The following VSNL1 variants were observed in gnomAD, a reference collection of about 807,000 sequenced individuals.
VSNL1 encodes visinin-like protein 1.
A neutral mutation model predicts 20.4 loss-of-function variants in VSNL1; 6 were observed. That is an observed-to-expected ratio of 0.29 (90% CI 0.16 to 0.58). The LOEUF (loss-of-function observed/expected upper bound fraction) is 0.58, where lower values mean the gene tolerates loss of function less well. Ranked by LOEUF, VSNL1 falls within the 20% of genes least tolerant of loss-of-function variation. The pLI is 0.90. For synonymous variants in VSNL1, 93 were observed against 86.4 expected (o/e 1.08, Z -0.42); for missense variants, 100 against 234.5 (o/e 0.43, Z 3.75).
chr2:17,578,356 G>A (rs1664266516), intron 1 of VSNL1, among the ~76,000 whole-genome samples: 1 of 152,110 alleles, frequency 6.6e-6, no homozygotes, highest in Non-Finnish European at 1.5e-5. Flanking sequence ...CTTAGACAAA[G>A]GTAAATGTGA....
At chr2:17,582,468 G>A (rs185287524) in intron 1 of VSNL1, among the ~76,000 whole-genome samples, 1 of 152,152 alleles carries the variant, frequency 6.6e-6, no homozygotes, top group African/African-American at 2.4e-5. Flanking sequence ...GGAAGCTATT[G>A]TACTACTCAA....
intron 1 of VSNL1, among the ~76,000 whole-genome samples, chr2:17,588,096 G>C (rs1448612843): frequency 6.6e-6 from 1 of 152,134 alleles, no homozygotes; most frequent in East Asian, 1.9e-4. Flanking sequence ...AAATTCTTTT[G>C]GTTTGGGGAT....
At chr2:17,631,801 C>G (rs559232006) in intron 2 of VSNL1, among the ~76,000 whole-genome samples, 1 of 152,234 alleles carries the variant, frequency 6.6e-6, no homozygotes, top group South Asian at 2.1e-4. Flanking sequence ...TATAAATATA[C>G]ATGCGTGTAT....
chr2:17,541,888 AATG>A (rs1463195621), intron 1 of VSNL1, among the ~76,000 whole-genome samples: 1 of 152,106 alleles, frequency 6.6e-6, no homozygotes, highest in Non-Finnish European at 1.5e-5. Context: ...GCATGGTGGA[AATG>A]ATGAGTGCTC....
At chr2:17,594,161 T>A (rs1664658545) in intron 2 of VSNL1, among the ~76,000 whole-genome samples, 1 of 152,232 alleles carries the variant, frequency 6.6e-6, no homozygotes, top group African/African-American at 2.4e-5. Flanking sequence ...ACATTAAGCA[T>A]GCCTTGGCGT....
chr2:17,606,802 G>C (rs1202970382), intron 2 of VSNL1, among the ~76,000 whole-genome samples: 3 of 152,118 alleles, frequency 2.0e-5, no homozygotes, highest in Non-Finnish European at 4.4e-5. Context: ...ATGCTTTACT[G>C]GTCTACTTTG....
rs1314587543 is a variant in VSNL1 at position 17,561,911 on chromosome 2, CA to C, written c.-6+20999del. Reference sequence around the variant, plus strand: ...CTTAACAATAGCCAAGAAGTTAATCCAAAAAATGACACTCCCTTTACATTGT... The same window carrying C: ...CTTAACAATAGCCAAGAAGTTAATCCAAAAATGACACTCCCTTTACATTGT... On this transcript the variant is annotated intron_variant, in intron 1 of 3. Transcript: ENST00000295156. 3.3e-5 allele frequency among the ~76,000 whole-genome samples: 5 copies of C among 151,996 alleles called. No homozygotes were observed. In the East Asian group the frequency reaches 9.7e-4, roughly 29 times the overall value.
At position 17,649,196 on chromosome 2, in the gene VSNL1, C is replaced by A. The variant is rs1477974386; in HGVS notation, c.163-214C>A. On this transcript the variant is annotated intron_variant, in intron 2 of 3. Coordinates refer to ENST00000295156, the MANE Select transcript of VSNL1 (RefSeq NM_003385.5). The surrounding 1 kb of genome is among the most constrained non-coding windows in gnomAD (Gnocchi z 6.4). ...AGCCACATGTCACCAGCCTCACCCACAGGAAACAATGAGATGCCTGTACCT... is the reference window on the plus strand; with the variant it reads ...AGCCACATGTCACCAGCCTCACCCAAAGGAAACAATGAGATGCCTGTACCT... Among the ~76,000 whole-genome samples the A allele has an allele frequency of 2.6e-5, 4 of 152,164 alleles. No individual in the cohort carries two copies. Among genetic ancestry groups the A allele is most frequent in the Non-Finnish European group, 5.9e-5 (4 of 68,028 alleles).
At chr2:17,572,269 CT>C (rs895481671) in intron 1 of VSNL1, among the ~76,000 whole-genome samples, 10 of 152,172 alleles carry the variant, frequency 6.6e-5, no homozygotes, top group African/African-American at 2.4e-4. Context: ...TGGATTTCTT[CT>C]TCTTCCATTG....
intron 2 of VSNL1, among the ~76,000 whole-genome samples, chr2:17,625,359 T>C (rs1665484391): frequency 6.6e-6 from 1 of 152,222 alleles, no homozygotes. Context: ...GGGCTTGATA[T>C]TGGAAACCAG....
At chr2:17,620,897 G>T (rs1182214654) in intron 2 of VSNL1, among the ~76,000 whole-genome samples, 7 of 152,290 alleles carry the variant, frequency 4.6e-5, no homozygotes, top group African/African-American at 1.7e-4. Flanking sequence ...GGGCTAATTT[G>T]AATTTTACAT....
chr2:17,550,675 G>A (rs975458527), intron 1 of VSNL1, among the ~76,000 whole-genome samples: 2 of 152,116 alleles, frequency 1.3e-5, no homozygotes, highest in Non-Finnish European at 2.9e-5. Context: ...AAGACCAACA[G>A]GAGAAACTAA....
intron 1 of VSNL1, among the ~76,000 whole-genome samples, chr2:17,580,002 C>T (rs1208176247): frequency 6.6e-6 from 1 of 152,128 alleles, no homozygotes; most frequent in Non-Finnish European, 1.5e-5. Context: ...GAGTCAGAGT[C>T]CCTGACCATC....
intron 1 of VSNL1, among the ~76,000 whole-genome samples, chr2:17,575,822 A>G (rs1370830821): frequency 6.6e-6 from 1 of 152,172 alleles, no homozygotes; most frequent in Admixed American, 6.5e-5. Flanking sequence ...GGCATGAGCC[A>G]CTGCGCCCGG....
At chr2:17,578,234 A>G (rs1160473970) in intron 1 of VSNL1, among the ~76,000 whole-genome samples, 1 of 152,160 alleles carries the variant, frequency 6.6e-6, no homozygotes, top group Admixed American at 6.5e-5. Context: ...TTGTTTGTCT[A>G]ATGAGAAGGC....
At chr2:17,612,486 A>G (rs1409113886) in intron 2 of VSNL1, among the ~76,000 whole-genome samples, 1 of 152,172 alleles carries the variant, frequency 6.6e-6, no homozygotes, top group African/African-American at 2.4e-5. Flanking sequence ...AGTTCCATCA[A>G]ACCTTACTAA....
intron 2 of VSNL1, among the ~76,000 whole-genome samples, chr2:17,633,348 C>CAAAAAAAAAA (rs10706048): frequency 1.8e-4 from 9 of 50,544 alleles, no homozygotes; most frequent in South Asian, 1.4e-3. Flanking sequence ...ACTAAAAATA[C>CAAAAAAAAAA]AAAAAAAAAA....
At chr2:17,540,533 C>T (rs1663255348), upstream of VSNL1, 1 of 152,758 alleles carries the variant, frequency 6.5e-6, no homozygotes, top group Non-Finnish European at 1.5e-5. Context: ...GAGCATGCGC[C>T]ATCGCCAGGC....
chr2:17,625,490 T>A (rs1344801520), intron 2 of VSNL1, among the ~76,000 whole-genome samples: 1 of 152,250 alleles, frequency 6.6e-6, no homozygotes. Flanking sequence ...TTTGACAGCA[T>A]CTTGGCAAGA....
Sources: allele counts gnomAD v4.1 joint callset (sites outside exome capture counted in the v4.1 genomes callset), GRCh38; gene constraint gnomAD v4.1.1; non-coding constraint Gnocchi (gnomAD v3.1); transcripts MANE v1.5; gene names NCBI Gene and HGNC (gene_info 2026-07-23, HGNC 2026-07-21).